KCNK3: variants seen among roughly 807,000 people sequenced by gnomAD.
KCNK3 encodes the protein potassium channel subfamily K member 3.
A neutral mutation model predicts 27.3 loss-of-function variants in KCNK3; 9 were observed. That is an observed-to-expected ratio of 0.33 (90% CI 0.20 to 0.57). The LOEUF (loss-of-function observed/expected upper bound fraction) is 0.57. Among genes scored for constraint, KCNK3 ranks in the 20% least tolerant of loss-of-function variants. The pLI is 0.87. For synonymous variants in KCNK3, 278 were observed against 273.8 expected (o/e 1.02, Z -0.15); for missense variants, 391 against 577.7 (o/e 0.68, Z 3.31).
At chr2:26,695,874 G>T (rs577860867) in intron 1 of KCNK3, among the ~76,000 whole-genome samples, 1 of 152,074 alleles carries the variant, frequency 6.6e-6, no homozygotes, top group African/African-American at 2.4e-5. Context: ...CCACCCCCCT[G>T]GTTCTGTGGG....
Position 26,699,172 on chromosome 2 carries a change from C to T in KCNK3, c.283+6014C>T, listed in dbSNP as rs1284539560. On this transcript the variant is annotated intron_variant, in intron 1 of 1. Transcript: ENST00000302909. ...CAGCCTGGGCAACACAGCAAGACTCCGTCTCAGAAAAAAAAAAAAAAGGAA... is the reference window on the plus strand; with the variant it reads ...CAGCCTGGGCAACACAGCAAGACTCTGTCTCAGAAAAAAAAAAAAAAGGAA... 1.8e-4 allele frequency among the ~76,000 whole-genome samples: 22 copies of T among 122,668 alleles called. 1 individual carries two copies. Among genetic ancestry groups the T allele is most frequent in the South Asian group, 5.2e-4 (2 of 3,820 alleles). 80.5% of individuals were successfully genotyped at this position (122,668 alleles called of 152,430 possible).
rs762626613 is a variant in KCNK3, at chr2:26,728,247, G to C, written c.864G>C (p.Thr288=). ...ACACTACGGACACCGCCTCATCCAC[G>C]GCGGCAGCGGGCGGCGGCGGCTTCC... is the stretch of plus-strand genomic sequence containing the variant. ...SAHTTDTASS[T]AAAGGGGFRN... is the part of the protein sequence containing the mutation. Residue 288 remains threonine, a synonymous_variant, in exon 2 of 2, where the codon ACG becomes ACC. Transcript: ENST00000302909. 3.2e-6 allele frequency: 5 copies of C among 1,577,592 alleles called. No individual in the cohort carries two copies. The highest frequency in any genetic ancestry group is 3.6e-5 in the Admixed American group (2 of 55,872).
chr2:26,706,124 A>G (rs113595686), intron 1 of KCNK3, among the ~76,000 whole-genome samples: 1,685 of 152,230 alleles, frequency 0.011, 16 homozygotes, highest in Non-Finnish European at 0.017. Flanking sequence ...AGGCTGGGCC[A>G]CTCACCAGCT....
chr2:26,695,548 A>G (rs748017238), intron 1 of KCNK3, among the ~76,000 whole-genome samples: 1 of 152,176 alleles, frequency 6.6e-6, no homozygotes, highest in Non-Finnish European at 1.5e-5. Context: ...TATTTGCATT[A>G]TAGGGGAAGT....
chr2:26,716,265 A>G (rs1663230194), intron 1 of KCNK3, among the ~76,000 whole-genome samples: 1 of 152,244 alleles, frequency 6.6e-6, no homozygotes, highest in Non-Finnish European at 1.5e-5. Flanking sequence ...TAAAATAGGA[A>G]TAATAGCACC....
chr2:26,714,084 AAAAAAGAAAAG>A (rs1168002260), intron 1 of KCNK3, among the ~76,000 whole-genome samples: 1 of 152,118 alleles, frequency 6.6e-6, no homozygotes, highest in East Asian at 1.9e-4. Flanking sequence ...CTTGAAAAAA[AAAAAAGAAAAG>A]AAAAAGAAAG....
At chr2:26,701,897 G>A (rs527388066) in intron 1 of KCNK3, among the ~76,000 whole-genome samples, 8 of 152,124 alleles carry the variant, frequency 5.3e-5, no homozygotes, top group Admixed American at 6.5e-5. Flanking sequence ...CCAAGAAAGC[G>A]CCACTGTACT....
At chr2:26,723,848 C>G (rs1663365170) in intron 1 of KCNK3, among the ~76,000 whole-genome samples, 1 of 152,174 alleles carries the variant, frequency 6.6e-6, no homozygotes, top group Non-Finnish European at 1.5e-5. Context: ...CCAGAGTCTC[C>G]CGGTCAGAAC....
intron 1 of KCNK3, among the ~76,000 whole-genome samples, chr2:26,705,831 G>A (rs573111683): frequency 1.3e-5 from 2 of 152,162 alleles, no homozygotes; most frequent in East Asian, 1.9e-4. Flanking sequence ...GCCTTGCTGA[G>A]GGTGACTTGG....
rs368354576 is a variant in KCNK3, at chr2:26,718,119, G to A, written c.284-9548G>A. On this transcript the variant is annotated intron_variant, in intron 1 of 1. Coordinates refer to ENST00000302909, the MANE Select transcript of KCNK3 (RefSeq NM_002246.3). Reference sequence around the variant, plus strand: ...CTCATCCCGAACTCTTGGATCCTCCGCTTCCCTCTAGCTCAGGCCTGAGCA... The same window carrying A: ...CTCATCCCGAACTCTTGGATCCTCCACTTCCCTCTAGCTCAGGCCTGAGCA... Among the ~76,000 whole-genome samples, 113 of 149,932 alleles carry A rather than the reference G, an allele frequency of 7.5e-4. 1 individual carries two copies. Among genetic ancestry groups the A allele is most frequent in the African/African-American group, 2.4e-3 (96 of 40,528 alleles).
At position 26,732,843 on chromosome 2, in the gene KCNK3, C is replaced by T. The variant is rs1201425612; in HGVS notation, c.*4275C>T. The T allele has an allele frequency of 6.6e-6, 1 of 152,298 alleles. No individual in the cohort carries two copies. The highest frequency in any genetic ancestry group is 1.5e-5 in the Non-Finnish European group (1 of 68,076). 9.4% of individuals were successfully genotyped at this position (152,298 alleles called of 1,614,324 possible). Reference sequence around the variant, plus strand: ...CTTGCAGGACATAAATGTGATGACACTTGCCCTCCTTTCTTTATCGCCTGG... The same window carrying T: ...CTTGCAGGACATAAATGTGATGACATTTGCCCTCCTTTCTTTATCGCCTGG... On this transcript the variant is annotated 3_prime_UTR_variant, in exon 2 of 2. Transcript: ENST00000302909.
At chr2:26,714,874 A>C (rs1663199787) in intron 1 of KCNK3, among the ~76,000 whole-genome samples, 1 of 146,228 alleles carries the variant, frequency 6.8e-6, no homozygotes, top group Non-Finnish European at 1.5e-5. Context: ...TGACAGAGTG[A>C]GACTCCATCT....
rs1670186372 is a variant in KCNK3 at position 26,692,835 on chromosome 2, G to T, written c.-41G>T. The T allele has an allele frequency of 1.8e-6, 2 of 1,126,784 alleles. No individual in the cohort carries two copies. Among genetic ancestry groups the T allele is most frequent in the African/African-American group, 1.6e-5 (1 of 60,614 alleles). 69.8% of individuals were successfully genotyped at this position (1,126,784 alleles called of 1,614,324 possible). The stretch of plus-strand genomic sequence containing the variant: ...AGCGGCGGCCGGGGCCGAGGCGCGG[G>T]CCGGGGGCGCCGGGGGGCCGGCGGC... On this transcript the variant is annotated 5_prime_UTR_variant, in exon 1 of 2. Transcript: ENST00000302909. The surrounding 1 kb of genome is among the most constrained non-coding windows in gnomAD (Gnocchi z 5.6).
In KCNK3 at chr2:26,693,961, A is replaced by G. The variant is rs1029282780; in HGVS notation, c.283+803A>G. ...CTCACAGGGTACACACAGGGCGGGC[A>G]CACACACACACACACACAGAGAGAG... On this transcript the variant is annotated intron_variant, in intron 1 of 1. Coordinates refer to ENST00000302909, the MANE Select transcript of KCNK3 (RefSeq NM_002246.3). The surrounding 1 kb of genome is among the most constrained non-coding windows in gnomAD (Gnocchi z 5.5). 3.3e-5 allele frequency among the ~76,000 whole-genome samples: 5 copies of G among 149,940 alleles called. No homozygotes were observed. Among genetic ancestry groups the G allele is most frequent in the Non-Finnish European group, 5.9e-5 (4 of 67,294 alleles).
intron 1 of KCNK3, among the ~76,000 whole-genome samples, chr2:26,696,105 G>A (rs1292785134): frequency 6.6e-6 from 1 of 152,244 alleles, no homozygotes; most frequent in African/African-American, 2.4e-5. Flanking sequence ...ACATGAATGA[G>A]TCTCATTCTG....
chr2:26,721,839 C>T lies in KCNK3; in HGVS notation c.284-5828C>T, dbSNP rs547406219. ...CCTTCCCTCAGGACAAACATTAGCC[C>T]AGCCATTGCCTATTTACATTAGATA... On this transcript the variant is annotated intron_variant, in intron 1 of 1. Transcript: ENST00000302909. This position sits in a 1 kb window ranked among gnomAD's most constrained non-coding sequence, Gnocchi z 4.3. Among the ~76,000 whole-genome samples, 11 of 152,352 alleles carry T rather than the reference C, an allele frequency of 7.2e-5. No homozygotes were observed. The highest frequency in any genetic ancestry group is 1.3e-4 in the Non-Finnish European group (9 of 68,036).
intron 1 of KCNK3, among the ~76,000 whole-genome samples, chr2:26,706,194 A>G (rs893487682): frequency 6.6e-6 from 1 of 152,128 alleles, no homozygotes; most frequent in Non-Finnish European, 1.5e-5. Flanking sequence ...GTGGCTGAGG[A>G]AGATCTTTGC....
intron 1 of KCNK3, among the ~76,000 whole-genome samples, chr2:26,718,136 G>T (rs765539129): frequency 4.6e-5 from 7 of 151,710 alleles, no homozygotes; most frequent in Non-Finnish European, 1.0e-4. Flanking sequence ...TCTAGCTCAG[G>T]CCTGAGCACT....
intron 1 of KCNK3, among the ~76,000 whole-genome samples, chr2:26,711,731 G>A (rs1485374493): frequency 1.3e-5 from 2 of 152,246 alleles, no homozygotes; most frequent in African/African-American, 4.8e-5. Flanking sequence ...GCAGTGCCTG[G>A]CACGTAGTAA....
Sources: gnomAD v4.1 joint callset for allele counts (sites outside exome capture counted in the v4.1 genomes callset) on GRCh38, gnomAD v4.1.1 for gene constraint, Gnocchi (gnomAD v3.1) non-coding constraint, MANE v1.5 for transcripts, NCBI Gene and HGNC (gene_info 2026-07-23, HGNC 2026-07-21) for gene names.